GARNL3: variants seen among roughly 807,000 people sequenced by gnomAD.
GARNL3 encodes the protein GTPase activating Rap/RanGAP domain like 3, also known as GTPase-activating Rap/Ran-GAP domain-like protein 3.
A neutral mutation model predicts 125.0 loss-of-function variants in GARNL3; 63 were observed. That is an observed-to-expected ratio of 0.50 (90% CI 0.41 to 0.62). The LOEUF (loss-of-function observed/expected upper bound fraction) is 0.62. GARNL3 is among the 20% of genes least tolerant of loss of function. The pLI, the probability that GARNL3 is intolerant of heterozygous loss-of-function variation, is 0.00. For synonymous variants in GARNL3, 439 were observed against 457.5 expected, an observed-to-expected ratio of 0.96 and a Z score of 0.52; for missense variants, 994 against 1,244.0, an observed-to-expected ratio of 0.80 and a Z score of 3.02.
At chr9:127,368,520 G>A (rs1489901501) in intron 22 of GARNL3, among the ~76,000 whole-genome samples, 14 of 150,806 alleles carry the variant, frequency 9.3e-5, no homozygotes, top group Admixed American at 4.0e-4. Context: ...AGTTAGAGAC[G>A]GGGTTTCACC....
intron 21 of GARNL3, chr9:127,361,593 T>C (rs570206190): frequency 6.6e-6 from 1 of 152,394 alleles, no homozygotes; most frequent in African/African-American, 2.4e-5. Flanking sequence ...AAGGTCTGAA[T>C]AATAAAGTGC....
chr9:127,355,582 C>G (rs58473776), intron 20 of GARNL3, 110 bp downstream of exon 20: 2 of 956,786 alleles, frequency 2.1e-6, no homozygotes. Flanking sequence ...TGTTTAGTAG[C>G]CAACTAGGGA....
chr9:127,355,388 A>G lies in GARNL3; in HGVS notation c.1851A>G (p.Lys617=). 6.2e-7 allele frequency: 1 copy of G among 1,614,230 alleles called. No individual in the cohort carries two copies. Among genetic ancestry groups the G allele is most frequent in the Non-Finnish European group, 8.5e-7 (1 of 1,180,032 alleles). The change falls in exon 20 of 28, where the codon AAA becomes AAG. Residue 617 remains lysine, a synonymous_variant. Coordinates refer to ENST00000373387, the MANE Select transcript of GARNL3 (RefSeq NM_032293.5). ...ATAAACTGCTTCTGATCACAAGAAA[A>G]CACAACAAGCCAAGCGGGGTCACCA... ...IRNKLLLITR[K]HNKPSGVTST... is the part of the protein sequence containing the mutation.
chr9:127,368,008 C>CTTTTTTTT (rs10573639), intron 22 of GARNL3, among the ~76,000 whole-genome samples: 5 of 81,886 alleles, frequency 6.1e-5, no homozygotes, highest in Admixed American at 1.5e-4. Flanking sequence ...CATAGACTTT[C>CTTTTTTTT]TTTTTTTTTT....
intron 2 of GARNL3, among the ~76,000 whole-genome samples, chr9:127,306,013 C>T (rs1161197374): frequency 6.6e-6 from 1 of 152,150 alleles, no homozygotes; most frequent in Non-Finnish European, 1.5e-5. Context: ...CACCTTGCGC[C>T]TCCCTGTGGT....
chr9:127,288,818 C>G (rs1264510965), intron 1 of GARNL3, among the ~76,000 whole-genome samples: 1 of 152,182 alleles, frequency 6.6e-6, no homozygotes, highest in Non-Finnish European at 1.5e-5. Flanking sequence ...GAATGACTAT[C>G]AGCTCTTCTC....
Position 127,385,166 on chromosome 9 carries a change from ATC to A in GARNL3, c.2388+25_2388+26del. On this transcript the variant is annotated intron_variant, in intron 24 of 27. Transcript: ENST00000373387. This position sits in a 1 kb window ranked among gnomAD's most constrained non-coding sequence, Gnocchi z 4.1. ...CCAGGGTGAGTAGGACTGGGATTTTATCTCTGAGTGGTTTGGGGGACCCCGGC... is the reference window on the plus strand; with the variant it reads ...CCAGGGTGAGTAGGACTGGGATTTTATCTGAGTGGTTTGGGGGACCCCGGC... 1 of 1,502,576 alleles carries A rather than the reference ATC, an allele frequency of 6.7e-7. No individual in the cohort carries two copies. The highest frequency in any genetic ancestry group is 9.1e-7 in the Non-Finnish European group (1 of 1,093,330). The allele number at this position is 1,502,576 out of a possible 1,614,324, so 93.1% of individuals were successfully genotyped here. A position where few individuals can be genotyped will look rare whatever the true frequency, so the allele number is the denominator to read the frequency against.
chr9:127,226,114 G>A (rs530315344), intron 1 of GARNL3, among the ~76,000 whole-genome samples: 7 of 152,214 alleles, frequency 4.6e-5, no homozygotes, highest in South Asian at 4.2e-4. Flanking sequence ...CACCCCAGCC[G>A]GCCGCGAAAG....
chr9:127,347,178 G>A (rs1387939592), intron 16 of GARNL3, among the ~76,000 whole-genome samples: 1 of 152,168 alleles, frequency 6.6e-6, no homozygotes, highest in Non-Finnish European at 1.5e-5. Flanking sequence ...CCAGCACTTT[G>A]GGAGGTTGAG....
rs1436871824 is a variant in GARNL3, at chr9:127,266,920, G to C, written c.144+1899G>C. 1.3e-5 allele frequency among the ~76,000 whole-genome samples: 2 copies of C among 152,184 alleles called. No individual in the cohort carries two copies. Among genetic ancestry groups the C allele is most frequent in the Non-Finnish European group, 2.9e-5 (2 of 68,034 alleles). On this transcript the variant is annotated intron_variant, in intron 1 of 27. Coordinates refer to ENST00000373387, the MANE Select transcript of GARNL3 (RefSeq NM_032293.5). This position sits in a 1 kb window ranked among gnomAD's most constrained non-coding sequence, Gnocchi z 4.0. ...AGAATATCAGAATGGAAAAGTACTT[G>C]AGAGCAGTGGTTCTCAAACTTGAGC...
At chr9:127,351,013 A>G (rs775674576) in intron 17 of GARNL3, among the ~76,000 whole-genome samples, 15 of 152,328 alleles carry the variant, frequency 9.8e-5, no homozygotes, top group Middle Eastern at 3.4e-3. Flanking sequence ...CCACTAAACC[A>G]ACTACATTAT....
chr9:127,249,308 G>T (rs1340703557), intron 2 of GARNL3, among the ~76,000 whole-genome samples: 4 of 152,198 alleles, frequency 2.6e-5, no homozygotes, highest in Admixed American at 6.5e-5. Flanking sequence ...TATGGACCAG[G>T]TGCAGTGGCT....
At chr9:127,355,520 A>G (rs1830642810) in intron 20 of GARNL3, 48 bp downstream of exon 20, 1 of 1,568,168 alleles carries the variant, frequency 6.4e-7, no homozygotes, top group African/African-American at 1.3e-5. Flanking sequence ...GTTGTCTTGA[A>G]GCAGACTCTG....
intron 1 of GARNL3, among the ~76,000 whole-genome samples, chr9:127,230,012 C>T (rs1056474537): frequency 6.6e-6 from 1 of 152,332 alleles, no homozygotes; most frequent in African/African-American, 2.4e-5. Context: ...GGCCTCCAGG[C>T]AGGGGCAGTG....
intron 5 of GARNL3, among the ~76,000 whole-genome samples, chr9:127,318,544 T>G (rs1443585585): frequency 6.6e-6 from 1 of 152,242 alleles, no homozygotes; most frequent in Non-Finnish European, 1.5e-5. Flanking sequence ...CCTTCCATTT[T>G]TCTACCTTGA....
chr9:127,261,632 C>T (rs918150327), upstream of GARNL3, among the ~76,000 whole-genome samples: 1 of 152,076 alleles, frequency 6.6e-6, no homozygotes, highest in Non-Finnish European at 1.5e-5. Context: ...ATGCTGGTCT[C>T]GAACTCCCGA....
At chr9:127,241,053 C>G (rs1361677247) in intron 1 of GARNL3, among the ~76,000 whole-genome samples, 1 of 152,226 alleles carries the variant, frequency 6.6e-6, no homozygotes, top group Non-Finnish European at 1.5e-5. Flanking sequence ...ACACACTTCA[C>G]TTGGGATGTC....
At position 127,313,392 on chromosome 9, in the gene GARNL3, G is replaced by T. The variant is rs750405232; in HGVS notation, c.320-49G>T. 154 of 1,303,696 alleles carry T rather than the reference G, an allele frequency of 1.2e-4. 1 individual carries two copies. Among genetic ancestry groups the T allele is most frequent in the Non-Finnish European group, 1.6e-4 (142 of 896,784 alleles). 80.8% of individuals were successfully genotyped at this position (1,303,696 alleles called of 1,614,324 possible). ...CCTGCAGTGTCCTCTACCATCTGTG[G>T]CTGGCAGGATCAGTTGCATTCTCAC... On this transcript the variant is annotated intron_variant, in intron 3 of 27. Coordinates refer to ENST00000373387, the MANE Select transcript of GARNL3 (RefSeq NM_032293.5).
intron 1 of GARNL3, among the ~76,000 whole-genome samples, chr9:127,226,974 A>T (rs768042257): frequency 1.3e-5 from 2 of 152,246 alleles, no homozygotes; most frequent in Non-Finnish European, 2.9e-5. Flanking sequence ...CCTATAATCC[A>T]TGCTGTCTGT....
Sources: allele counts gnomAD v4.1 joint callset (sites outside exome capture counted in the v4.1 genomes callset), GRCh38; gene constraint gnomAD v4.1.1; non-coding constraint Gnocchi (gnomAD v3.1); transcripts MANE v1.5; gene names NCBI Gene and HGNC (gene_info 2026-07-23, HGNC 2026-07-21).